TMEM255B: variants seen among roughly 807,000 people sequenced by gnomAD.
The protein encoded by TMEM255B is transmembrane protein 255B, also known as family with sequence similarity 70, member B.
In TMEM255B, 35 loss-of-function variants were observed where a neutral mutation model predicts 34.5. That is an observed-to-expected ratio of 1.01 (90% confidence interval 0.77 to 1.34). The LOEUF (loss-of-function observed/expected upper bound fraction) is 1.34. Among genes scored for constraint, TMEM255B ranks in the 40% most tolerant of loss-of-function variants. The pLI, the probability that TMEM255B is intolerant of heterozygous loss-of-function variation, is 0.00. For synonymous variants in TMEM255B, 206 were observed against 201.2 expected, an observed-to-expected ratio of 1.02 and a Z score of -0.20; for missense variants, 432 against 433.2, an observed-to-expected ratio of 1.00 and a Z score of 0.02.
At chr13:113,780,982 AC>A (rs1292114893) in intron 3 of TMEM255B, among the ~76,000 whole-genome samples, 1 of 152,204 alleles carries the variant, frequency 6.6e-6, no homozygotes, top group African/African-American at 2.4e-5. Flanking sequence ...TTATACAAAC[AC>A]AGCCCAAAGA....
chr13:113,799,752 T>A (rs2051007701), intron 5 of TMEM255B: 1 of 696,580 alleles, frequency 1.4e-6, no homozygotes, highest in Non-Finnish European at 2.7e-6. Flanking sequence ...ATTTACAGTG[T>A]CCGAGAAACT....
At position 113,761,147 on chromosome 13, in the gene TMEM255B, G is replaced by T. The variant is rs142859847; in HGVS notation, c.46+1832G>T. Reference sequence around the variant, plus strand: ...GATTGTTACTTGGACACCATGACTGGTGTCCCCACATGATTAAATGGAACT... The same window carrying T: ...GATTGTTACTTGGACACCATGACTGTTGTCCCCACATGATTAAATGGAACT... On this transcript the variant is annotated intron_variant, in intron 1 of 8. Transcript: ENST00000375353. 117 of 982,280 alleles carry T rather than the reference G, an allele frequency of 1.2e-4. No individual in the cohort carries two copies. In the Middle Eastern group the frequency reaches 5.8e-3, roughly 48 times the overall value. 60.8% of individuals were successfully genotyped at this position (982,280 alleles called of 1,614,324 possible).
chr13:113,776,975 G>C (rs2050590073), intron 3 of TMEM255B, among the ~76,000 whole-genome samples: 2 of 152,126 alleles, frequency 1.3e-5, no homozygotes, highest in Non-Finnish European at 2.9e-5. Flanking sequence ...TGCTTGGGCT[G>C]TCTGCTTGTA....
At chr13:113,787,491 G>A (rs902415938) in intron 3 of TMEM255B, among the ~76,000 whole-genome samples, 1 of 152,182 alleles carries the variant, frequency 6.6e-6, no homozygotes, top group Non-Finnish European at 1.5e-5. Flanking sequence ...GCAGGTCAAA[G>A]TTCAGGGTCT....
rs2051338413 is a variant in TMEM255B, at chr13:113,812,810, GT to G, written c.*908del. On this transcript the variant is annotated 3_prime_UTR_variant, in exon 9 of 9. Transcript: ENST00000375353. ...GGGTCACAGGACAGGTCTCAGGTGG[GT>G]CACAGGTCCTGAGTGGGTCACAGGT... is the stretch of plus-strand genomic sequence containing the variant. 1 of 126,758 alleles carries G rather than the reference GT, an allele frequency of 7.9e-6. No homozygotes were observed. The highest frequency in any genetic ancestry group is 1.6e-5 in the Non-Finnish European group (1 of 60,894). The allele number at this position is 126,758 out of a possible 1,614,324, so 7.9% of individuals were successfully genotyped here. A position where few individuals can be genotyped will look rare whatever the true frequency, so the allele number is the denominator to read the frequency against.
intron 3 of TMEM255B, among the ~76,000 whole-genome samples, chr13:113,785,228 T>C (rs933368538): frequency 4.6e-5 from 7 of 152,208 alleles, no homozygotes; most frequent in Non-Finnish European, 8.8e-5. Context: ...TTGTCCAAGA[T>C]GGTGATGCCC....
intron 2 of TMEM255B, chr13:113,766,520 C>T (rs1197792035): frequency 1.8e-6 from 1 of 558,950 alleles, no homozygotes; most frequent in Non-Finnish European, 3.3e-6. Context: ...CCTCCATTGT[C>T]TGGGTTGGCC....
chr13:113,807,342 G>T (rs1387070157), intron 8 of TMEM255B, among the ~76,000 whole-genome samples: 1 of 151,062 alleles, frequency 6.6e-6, no homozygotes, highest in African/African-American at 2.4e-5. Context: ...GGATGTGGGG[G>T]GCGGTCCTCC....
chr13:113,811,659 G>A (rs2051311172), intron 8 of TMEM255B, 77 bp from the exon 9 acceptor site: 2 of 1,557,774 alleles, frequency 1.3e-6, no homozygotes, highest in Middle Eastern at 4.5e-4. Context: ...AGTGGCCCTG[G>A]TATATGTCAG....
rs564545854 is a variant in TMEM255B, at chr13:113,768,175, G to C, written c.190-923G>C. ...AGACACTCACTGGGAAGTGCGACCG[G>C]CCCGGCGCACCTGCGTGGGAGCAAG... is the stretch of plus-strand genomic sequence containing the variant. On this transcript the variant is annotated intron_variant, in intron 2 of 8. Transcript: ENST00000375353. The C allele has an allele frequency of 6.4e-6, 3 of 469,888 alleles. 1 individual carries two copies. Among genetic ancestry groups the C allele is most frequent in the South Asian group, 4.7e-5 (3 of 64,470 alleles). The allele number at this position is 469,888 out of a possible 1,614,324, so 29.1% of individuals were successfully genotyped here.
intron 2 of TMEM255B, chr13:113,768,367 G>A (rs2050424997): frequency 4.9e-6 from 2 of 410,124 alleles, no homozygotes; most frequent in Non-Finnish European, 1.0e-5. Flanking sequence ...GGGTGCGGAT[G>A]CCCGGCCGGT....
chr13:113,804,133 G>A (rs945010192), intron 7 of TMEM255B, among the ~76,000 whole-genome samples: 9 of 152,216 alleles, frequency 5.9e-5, no homozygotes, highest in Admixed American at 2.0e-4. Context: ...TTTCTGGCCC[G>A]GGGAAGCCCT....
At chr13:113,781,569 T>A (rs967440170) in intron 3 of TMEM255B, among the ~76,000 whole-genome samples, 19 of 152,372 alleles carry the variant, frequency 1.2e-4, no homozygotes, top group African/African-American at 4.6e-4. Flanking sequence ...GTTTGGGATT[T>A]TAAATGATGT....
chr13:113,801,914 T>G, intron 7 of TMEM255B, 102 bp downstream of exon 7: 6 of 1,310,746 alleles, frequency 4.6e-6, no homozygotes, highest in Non-Finnish European at 6.2e-6. Flanking sequence ...ACTTTACAGA[T>G]GGGGCACTGA....
At chr13:113,778,607 GTC>G (rs1004147079) in intron 3 of TMEM255B, among the ~76,000 whole-genome samples, 4 of 151,046 alleles carry the variant, frequency 2.6e-5, no homozygotes, top group African/African-American at 9.8e-5. Flanking sequence ...TCCCGGGTGA[GTC>G]TCGATTTCAC....
chr13:113,793,713 C>T (rs1168591471), intron 3 of TMEM255B, among the ~76,000 whole-genome samples: 1 of 152,224 alleles, frequency 6.6e-6, no homozygotes, highest in Non-Finnish European at 1.5e-5. Flanking sequence ...ATAAAAACAC[C>T]CAGACTCGCA....
chr13:113,773,109 A>G (rs2050503892), intron 3 of TMEM255B, among the ~76,000 whole-genome samples: 1 of 152,204 alleles, frequency 6.6e-6, no homozygotes. Context: ...TAAGTTTTGT[A>G]TCAAATTTAC....
At chr13:113,784,238 C>T (rs2050707115) in intron 3 of TMEM255B, among the ~76,000 whole-genome samples, 1 of 152,036 alleles carries the variant, frequency 6.6e-6, no homozygotes, top group African/African-American at 2.4e-5. Context: ...TGTTTTTGTT[C>T]TAGGTGTCTC....
intron 3 of TMEM255B, among the ~76,000 whole-genome samples, chr13:113,791,662 A>G (rs946745554): frequency 6.6e-6 from 1 of 152,214 alleles, no homozygotes; most frequent in Non-Finnish European, 1.5e-5. Flanking sequence ...GCAAAATGCA[A>G]ATTGTGATGA....
Sources: allele counts gnomAD v4.1 joint callset (sites outside exome capture counted in the v4.1 genomes callset), GRCh38; gene constraint gnomAD v4.1.1; transcripts MANE v1.5; gene names NCBI Gene and HGNC (gene_info 2026-07-23, HGNC 2026-07-21).